PPP1CC: variants seen among roughly 807,000 people sequenced by gnomAD.
PPP1CC encodes the protein protein phosphatase 1 catalytic subunit gamma.
PPP1CC carries 16 observed loss-of-function variants against 38.4 expected under a neutral mutation model. The observed-to-expected ratio is 0.42, with a 90% CI of 0.28 to 0.63. The LOEUF (loss-of-function observed/expected upper bound fraction) is 0.63. PPP1CC is among the 30% of genes least tolerant of loss of function. The pLI is 0.25. For synonymous variants in PPP1CC, 158 were observed against 136.0 expected, an observed-to-expected ratio of 1.16 and a Z score of -1.13; for missense variants, 170 against 391.3, an observed-to-expected ratio of 0.43 and a Z score of 4.77.
intron 1 of PPP1CC, among the ~76,000 whole-genome samples, chr12:110,733,628 ATTC>A (rs1160702956): frequency 1.3e-5 from 2 of 152,184 alleles, no homozygotes; most frequent in Non-Finnish European, 2.9e-5. Context: ...CAATTTAAAA[ATTC>A]TTCTTTTTTG....
the PPP1CC span, among the ~76,000 whole-genome samples, chr12:110,709,400 T>C: frequency 6.6e-6 from 1 of 151,536 alleles, no homozygotes; most frequent in African/African-American, 2.4e-5. Context: ...GACTAATTTT[T>C]TGTATTTTTA....
At position 110,736,922 on chromosome 12, in the gene PPP1CC, T is replaced by C. The variant is rs1238059368; in HGVS notation, c.56-5021A>G. 2.6e-5 allele frequency among the ~76,000 whole-genome samples: 4 copies of C among 152,204 alleles called. No individual in the cohort carries two copies. In the East Asian group the frequency reaches 5.8e-4, roughly 22 times the overall value. On this transcript the variant is annotated intron_variant, in intron 1 of 6. Transcript: ENST00000335007. The stretch of plus-strand genomic sequence containing the variant: ...TGAATTCTAATGAAGTTTCAGAACC[T>C]AAGAAAGGCACAAGTGGTATAAAAA...
downstream of PPP1CC, among the ~76,000 whole-genome samples, chr12:110,718,629 A>C (rs1407962924): frequency 6.6e-6 from 1 of 152,106 alleles, no homozygotes; most frequent in Non-Finnish European, 1.5e-5. Flanking sequence ...ACCAAAAGCA[A>C]ACATTTAGCA....
At chr12:110,717,687 T>C (rs774130427), downstream of PPP1CC, among the ~76,000 whole-genome samples, 61 of 152,168 alleles carry the variant, frequency 4.0e-4, no homozygotes, top group Non-Finnish European at 7.9e-4. Context: ...TGAGCCACCA[T>C]GCCCGGCCTC....
At chr12:110,734,650 T>C (rs1482060992) in intron 1 of PPP1CC, 2 of 153,614 alleles carry the variant, frequency 1.3e-5, no homozygotes, top group East Asian at 1.9e-4. Context: ...CCAGACTATA[T>C]ACTTTTGATG....
chr12:110,713,381 C>A, the PPP1CC span, among the ~76,000 whole-genome samples: 2 of 152,110 alleles, frequency 1.3e-5, no homozygotes, highest in Admixed American at 6.5e-5. Flanking sequence ...AATCTGCCCA[C>A]CTCGGCCTCA....
chr12:110,732,352 G>A (rs888606563), intron 1 of PPP1CC: 2 of 179,550 alleles, frequency 1.1e-5, no homozygotes, highest in East Asian at 1.4e-4. Context: ...AGCCAAGATC[G>A]CGCCACTGCA....
chr12:110,721,091 C>T lies in PPP1CC; in HGVS notation c.957G>A (p.Lys319=), dbSNP rs748426492. ...AAAACGACATCTATTTCTTTGCTTGCTTTGTGATCATACCCCTTGGAGGCG... is the reference window on the plus strand; with the variant it reads ...AAAACGACATCTATTTCTTTGCTTGTTTTGTGATCATACCCCTTGGAGGCG... The part of the protein sequence containing the change: ...PVTPPRGMIT[K]QAKK The change falls in exon 7 of 7, where the codon AAG becomes AAA. Residue 319 remains lysine, a synonymous_variant. Transcript: ENST00000335007. The T allele has an allele frequency of 2.5e-6, 4 of 1,613,788 alleles. No individual in the cohort carries two copies. The highest frequency in any genetic ancestry group is 3.3e-4 in the Middle Eastern group (2 of 6,062).
rs1294019133 is a variant in PPP1CC at position 110,720,789 on chromosome 12, TCAGA to T, written c.*283_*286del. On this transcript the variant is annotated 3_prime_UTR_variant, in exon 7 of 7. Coordinates refer to ENST00000335007, the MANE Select transcript of PPP1CC (RefSeq NM_002710.4). ...AAAAGATCAATTGTACACTTACTCC[TCAGA>T]CAGGATAAACTGTCCTGGGGTGTAC... 7.1e-6 allele frequency: 2 copies of T among 282,492 alleles called. No individual in the cohort carries two copies. The highest frequency in any genetic ancestry group is 1.5e-4 in the East Asian group (2 of 12,926). 17.5% of individuals were successfully genotyped at this position (282,492 alleles called of 1,614,324 possible).
At chr12:110,742,567 C>G in intron 1 of PPP1CC, 86 bp downstream of exon 1, 2 of 1,191,166 alleles carry the variant, frequency 1.7e-6, no homozygotes, top group Non-Finnish European at 2.2e-6. Context: ...CCCAACCGGC[C>G]TCCCAACTCC....
intron 3 of PPP1CC, 142 bp downstream of exon 3, chr12:110,730,387 A>G: frequency 1.3e-6 from 1 of 759,420 alleles, no homozygotes. Flanking sequence ...CTAAGCTAAA[A>G]ACAAGTTGAT....
At chr12:110,711,644 G>C in the PPP1CC span, among the ~76,000 whole-genome samples, 2 of 152,026 alleles carry the variant, frequency 1.3e-5, no homozygotes, top group Admixed American at 1.3e-4. Context: ...AAATACACTA[G>C]CCAGGGGCAG....
In PPP1CC at chr12:110,720,988, C is replaced by T. The variant is rs1418609052; in HGVS notation, c.*88G>A. The T allele has an allele frequency of 1.7e-6, 2 of 1,159,432 alleles. No individual in the cohort carries two copies. Among genetic ancestry groups the T allele is most frequent in the African/African-American group, 1.5e-5 (1 of 64,752 alleles). The allele number at this position is 1,159,432 out of a possible 1,614,324, so 71.8% of individuals were successfully genotyped here. ...CCCCACAAACACAGATCTATCTGAG[C>T]AAGCTGACCAGTACACATTACAGTC... On this transcript the variant is annotated 3_prime_UTR_variant, in exon 7 of 7. Transcript: ENST00000335007.
intron 1 of PPP1CC, among the ~76,000 whole-genome samples, chr12:110,738,219 C>G (rs1324940472): frequency 1.3e-5 from 2 of 152,130 alleles, no homozygotes; most frequent in African/African-American, 4.8e-5. Context: ...GACAAATCAC[C>G]AAGATCCACA....
At chr12:110,730,467 A>T in intron 3 of PPP1CC, 62 bp downstream of exon 3, 1 of 1,251,272 alleles carries the variant, frequency 8.0e-7, no homozygotes, top group Non-Finnish European at 1.1e-6. Flanking sequence ...AGTATGTGAT[A>T]ATTGTTTATG....
At chr12:110,731,640 A>G in intron 2 of PPP1CC, 130 bp downstream of exon 2, 1 of 927,286 alleles carries the variant, frequency 1.1e-6, no homozygotes, top group Non-Finnish European at 1.5e-6. Flanking sequence ...TATTTAACTT[A>G]CTTTTAAGTA....
Position 110,730,718 on chromosome 12 carries a change from CAA to C in PPP1CC, c.227_228del (p.Phe76Ter). The part of the protein sequence containing the change: ...HGQYYDLLRL[F>X]EYGGFPPESN... ...CTTTCTGGTGGGAAACCACCGTACT[CAA>C]AAAGTCGCAGCAAATCATAGTATTG... is the stretch of plus-strand genomic sequence containing the variant. On this transcript the variant is annotated frameshift_variant, in exon 3 of 7. Coordinates refer to ENST00000335007, the MANE Select transcript of PPP1CC (RefSeq NM_002710.4). LOFTEE classifies it high-confidence loss of function. 1 of 1,613,688 alleles carries C rather than the reference CAA, an allele frequency of 6.2e-7. No homozygotes were observed.
chr12:110,732,136 C>T, intron 1 of PPP1CC: 1 of 568,426 alleles, frequency 1.8e-6, no homozygotes, highest in South Asian at 2.4e-5. Context: ...AAAAAGGAGC[C>T]ATCCTGTCTG....
At chr12:110,728,108 C>T (rs2069823219) in intron 3 of PPP1CC, among the ~76,000 whole-genome samples, 1 of 152,160 alleles carries the variant, frequency 6.6e-6, no homozygotes, top group Non-Finnish European at 1.5e-5. Context: ...AATCCTTTAA[C>T]TCAAGAGCAG....
Sources: gnomAD v4.1 joint callset for allele counts (sites outside exome capture counted in the v4.1 genomes callset) on GRCh38, gnomAD v4.1.1 for gene constraint, MANE v1.5 for transcripts, NCBI Gene and HGNC (gene_info 2026-07-23, HGNC 2026-07-21) for gene names.